Variants in NCAM2 observed in about 807,000 individuals in gnomAD.
NCAM2 encodes the protein N-CAM-2.
A neutral mutation model predicts 98.1 loss-of-function variants in NCAM2; 30 were observed. The ratio of observed to expected loss-of-function variants is 0.31; its 90% CI spans 0.23 to 0.41. NCAM2 has a LOEUF of 0.41. Among genes scored for constraint, NCAM2 ranks in the 10% least tolerant of loss-of-function variants. The probability of loss-of-function intolerance (pLI) is 1.00; values close to 1 mark genes in which losing one functional copy is unlikely to be tolerated. For synonymous variants in NCAM2, 368 were observed against 342.4 expected, an observed-to-expected ratio of 1.07 and a Z score of -0.83; for missense variants, 867 against 1,005.8, an observed-to-expected ratio of 0.86 and a Z score of 1.87.
chr21:21,459,206 C>T (rs1423296263), intron 12 of NCAM2, among the ~76,000 whole-genome samples: 1 of 151,650 alleles, frequency 6.6e-6, no homozygotes, highest in African/African-American at 2.4e-5. Context: ...TAAGTGTTCG[C>T]AAGCATGTAG....
At chr21:21,174,205 G>A (rs1006251807) in intron 1 of NCAM2, among the ~76,000 whole-genome samples, 1 of 152,160 alleles carries the variant, frequency 6.6e-6, no homozygotes, top group African/African-American at 2.4e-5. Flanking sequence ...TTACAGGTGT[G>A]AGCCGCTGCG....
In NCAM2 at chr21:21,538,182, A is replaced by G. The variant is rs1226642950; in HGVS notation, c.*225A>G. ...AATTTTGTTAAGAATTTCAATATCA[A>G]GACTGACTGGCACCAACACTTTGGT... On this transcript the variant is annotated 3_prime_UTR_variant, in exon 18 of 18. Transcript: ENST00000400546. 2.3e-5 allele frequency: 7 copies of G among 300,430 alleles called. No homozygotes were observed. The East Asian group carries it at 3.9e-4, about 17-fold the overall frequency. 18.6% of individuals were successfully genotyped at this position (300,430 alleles called of 1,614,324 possible). A position where few individuals can be genotyped will look rare whatever the true frequency, so the allele number is the denominator to read the frequency against.
chr21:21,071,853 A>G (rs909136552), intron 1 of NCAM2, among the ~76,000 whole-genome samples: 1 of 150,626 alleles, frequency 6.6e-6, no homozygotes, highest in Non-Finnish European at 1.5e-5. Flanking sequence ...ATACTGCCCA[A>G]TTATTTGTCA....
intron 14 of NCAM2, among the ~76,000 whole-genome samples, chr21:21,473,509 G>A (rs1030455764): frequency 6.6e-6 from 1 of 150,850 alleles, no homozygotes; most frequent in Non-Finnish European, 1.5e-5. Flanking sequence ...CCTGAACCAT[G>A]CTACCAGGGA....
At chr21:21,231,101 A>C (rs1568804786) in intron 1 of NCAM2, among the ~76,000 whole-genome samples, 1 of 151,354 alleles carries the variant, frequency 6.6e-6, no homozygotes, top group Non-Finnish European at 1.5e-5. Context: ...TTATTGCTAA[A>C]ACCCTAGAAG....
At chr21:21,164,674 GTTAAGT>G (rs770767400) in intron 1 of NCAM2, among the ~76,000 whole-genome samples, 44 of 152,196 alleles carry the variant, frequency 2.9e-4, no homozygotes, top group Non-Finnish European at 4.0e-4. Flanking sequence ...ATGAATTTTA[GTTAAGT>G]TTAAGTTAAT....
intron 1 of NCAM2, among the ~76,000 whole-genome samples, chr21:21,119,136 C>G (rs1209230384): frequency 6.6e-6 from 1 of 152,076 alleles, no homozygotes; most frequent in Non-Finnish European, 1.5e-5. Flanking sequence ...ATTTGAAATT[C>G]ATTCAGAGTC....
chr21:21,195,842 T>G (rs927994452), intron 1 of NCAM2, among the ~76,000 whole-genome samples: 3 of 152,270 alleles, frequency 2.0e-5, no homozygotes, highest in Admixed American at 6.5e-5. Flanking sequence ...TTTTATACAT[T>G]CAAAAGTGCC....
chr21:21,017,752 A>G (rs886567315), intron 1 of NCAM2, among the ~76,000 whole-genome samples: 1 of 152,148 alleles, frequency 6.6e-6, no homozygotes, highest in Non-Finnish European at 1.5e-5. Flanking sequence ...TTTCTTTGCC[A>G]GGCACTTGCA....
At chr21:21,492,218 C>T (rs906419992) in intron 15 of NCAM2, among the ~76,000 whole-genome samples, 4 of 151,790 alleles carry the variant, frequency 2.6e-5, no homozygotes, top group Middle Eastern at 3.2e-3. Flanking sequence ...CAGTTTTCCT[C>T]CTATCTTTGT....
chr21:21,345,807 G>A (rs530033226), intron 8 of NCAM2, among the ~76,000 whole-genome samples: 1 of 152,202 alleles, frequency 6.6e-6, no homozygotes, highest in East Asian at 1.9e-4. Flanking sequence ...ACTACATCAA[G>A]GGCTTTGGTA....
intron 1 of NCAM2, among the ~76,000 whole-genome samples, chr21:21,224,868 T>C (rs780741184): frequency 2.6e-5 from 4 of 152,130 alleles, no homozygotes; most frequent in Admixed American, 2.0e-4. Flanking sequence ...AATTATCAAC[T>C]ATAAAAGAAA....
intron 16 of NCAM2, among the ~76,000 whole-genome samples, chr21:21,533,126 T>TGTTCA (rs1459613062): frequency 6.7e-6 from 1 of 149,268 alleles, no homozygotes; most frequent in Non-Finnish European, 1.5e-5. Context: ...TTGTAGAGTC[T>TGTTCA]GTTCAATCTT....
At chr21:21,333,399 C>T (rs929652889) in intron 6 of NCAM2, among the ~76,000 whole-genome samples, 5 of 152,110 alleles carry the variant, frequency 3.3e-5, no homozygotes, top group Admixed American at 6.6e-5. Context: ...TCATATCTCC[C>T]GTTATAACAG....
intron 1 of NCAM2, among the ~76,000 whole-genome samples, chr21:21,031,642 C>T (rs2064684991): frequency 6.6e-6 from 1 of 152,190 alleles, no homozygotes; most frequent in Non-Finnish European, 1.5e-5. Flanking sequence ...CTCCAATATG[C>T]AAGTAGGCAG....
chr21:21,525,692 A>C (rs1307738215), intron 16 of NCAM2, among the ~76,000 whole-genome samples: 7 of 152,156 alleles, frequency 4.6e-5, no homozygotes, highest in Non-Finnish European at 2.9e-5. Context: ...TGCCAAAACC[A>C]GACAAAGATA....
chr21:21,011,326 G>A (rs925724832), intron 1 of NCAM2, among the ~76,000 whole-genome samples: 3 of 152,014 alleles, frequency 2.0e-5, no homozygotes, highest in Non-Finnish European at 4.4e-5. Context: ...CTAAAATGAT[G>A]CTCATTTCAC....
intron 1 of NCAM2, among the ~76,000 whole-genome samples, chr21:21,172,092 G>A (rs2068143122): frequency 6.6e-6 from 1 of 151,900 alleles, no homozygotes; most frequent in South Asian, 2.1e-4. Context: ...ATCAAATATA[G>A]ATCGTATTTT....
intron 1 of NCAM2, among the ~76,000 whole-genome samples, chr21:21,111,209 A>G (rs1252282569): frequency 4.6e-5 from 7 of 152,168 alleles, no homozygotes; most frequent in Admixed American, 4.6e-4. Context: ...ATAATAAATC[A>G]CAGTAGCCAT....
Sources: gnomAD v4.1 joint callset for allele counts (sites outside exome capture counted in the v4.1 genomes callset) on GRCh38, gnomAD v4.1.1 for gene constraint, MANE v1.5 for transcripts, NCBI Gene and HGNC (gene_info 2026-07-23, HGNC 2026-07-21) for gene names.